LSM14A: variants seen among roughly 807,000 people sequenced by gnomAD.
LSM14A encodes the protein LSM14A mRNA processing body assembly factor, also known as protein LSM14 homolog A.
LSM14A carries 14 observed loss-of-function variants against 52.4 expected under a neutral mutation model. That is an observed-to-expected ratio of 0.27 (90% CI 0.18 to 0.42). The LOEUF (loss-of-function observed/expected upper bound fraction) is 0.42. LSM14A is among the 10% of genes least tolerant of loss of function. LSM14A has a pLI of 1.00. For synonymous variants in LSM14A, 185 were observed against 200.3 expected (o/e 0.92, Z 0.64); for missense variants, 417 against 581.8 (o/e 0.72, Z 2.91).
intron 3 of LSM14A, among the ~76,000 whole-genome samples, chr19:34,202,133 T>G (rs1242245778): frequency 2.0e-5 from 3 of 151,576 alleles, no homozygotes; most frequent in Admixed American, 2.0e-4. Flanking sequence ...TAAGTTTTTT[T>G]TTTTTTTTTT....
intron 4 of LSM14A, 60 bp downstream of exon 4, chr19:34,209,111 T>C: frequency 7.0e-7 from 1 of 1,431,654 alleles, no homozygotes; most frequent in Non-Finnish European, 9.4e-7. Context: ...TTTTTGTCTT[T>C]CTGAATGTAA....
At chr19:34,192,324 T>TTTTTGTTTTTTTTTG (rs2070469974) in intron 1 of LSM14A, among the ~76,000 whole-genome samples, 1 of 100,702 alleles carries the variant, frequency 9.9e-6, no homozygotes, top group African/African-American at 4.2e-5. Context: ...TTGTTGTTTT[T>TTTTTGTTTTTTTTTG]TTTTTTTTTT....
chr19:34,192,804 A>G (rs2070542061), intron 1 of LSM14A, among the ~76,000 whole-genome samples: 1 of 151,696 alleles, frequency 6.6e-6, no homozygotes, highest in African/African-American at 2.4e-5. Context: ...GTGAAACCCC[A>G]TCTCCGCTAA....
At chr19:34,193,726 G>A (rs1483565550) in intron 1 of LSM14A, among the ~76,000 whole-genome samples, 1 of 152,136 alleles carries the variant, frequency 6.6e-6, no homozygotes, top group Non-Finnish European at 1.5e-5. Context: ...CAAGGTAAAT[G>A]TTATTAATAC....
rs928431904 is a variant in LSM14A, at chr19:34,228,787, T to C, written c.*1399T>C. 9.2e-5 allele frequency: 14 copies of C among 152,782 alleles called. No individual in the cohort carries two copies. The highest frequency in any genetic ancestry group is 2.0e-4 in the Admixed American group (3 of 15,304). The allele number at this position is 152,782 out of a possible 1,614,324, so 9.5% of individuals were successfully genotyped here. A position where few individuals can be genotyped will look rare whatever the true frequency, so the allele number is the denominator to read the frequency against. On this transcript the variant is annotated 3_prime_UTR_variant, in exon 10 of 10. Coordinates refer to ENST00000544216, the MANE Select transcript of LSM14A (RefSeq NM_015578.4). ...AAAACATTCAGTAGTGATAAAGATA[T>C]AGAAACTGCACTGTAGGAGAATTGG...
chr19:34,212,929 A>G (rs1472563402), intron 4 of LSM14A, among the ~76,000 whole-genome samples: 1 of 152,206 alleles, frequency 6.6e-6, no homozygotes, highest in African/African-American at 2.4e-5. Flanking sequence ...AACTTATAAG[A>G]TGATTTAATG....
rs143392617 is a variant in LSM14A, at chr19:34,224,773, A to G, written c.1369-2592A>G. On this transcript the variant is annotated intron_variant, in intron 9 of 9. Transcript: ENST00000544216. ...TGTGCTTGATTCCAACTCCATCCCC[A>G]TTCATTTACCAAATATACAGAATTC... 3.3e-4 allele frequency among the ~76,000 whole-genome samples: 51 copies of G among 152,298 alleles called. No individual in the cohort carries two copies. The East Asian group carries it at 8.3e-3, about 25-fold the overall frequency.
At position 34,228,229 on chromosome 19, in the gene LSM14A, A is replaced by G. The variant is rs1178264054; in HGVS notation, c.*841A>G. ...TGGAACATAAATGAAGATTTGATAC[A>G]TTATTTCATTATCTAAAAAGGATTA... On this transcript the variant is annotated 3_prime_UTR_variant, in exon 10 of 10. Transcript: ENST00000544216. 6.6e-6 allele frequency: 1 copy of G among 152,598 alleles called. No individual in the cohort carries two copies. The highest frequency in any genetic ancestry group is 1.5e-5 in the Non-Finnish European group (1 of 68,034). 9.5% of individuals were successfully genotyped at this position (152,598 alleles called of 1,614,324 possible).
intron 4 of LSM14A, among the ~76,000 whole-genome samples, chr19:34,212,838 G>A (rs1001619506): frequency 2.6e-5 from 4 of 152,248 alleles, no homozygotes; most frequent in Non-Finnish European, 4.4e-5. Context: ...TACTTGCTCC[G>A]ATTGCCCCAT....
At chr19:34,221,189 T>C (rs1265663006) in intron 8 of LSM14A, among the ~76,000 whole-genome samples, 1 of 151,848 alleles carries the variant, frequency 6.6e-6, no homozygotes, top group African/African-American at 2.4e-5. Flanking sequence ...TTCAGGTGAT[T>C]CTCCTGCCTC....
At chr19:34,181,855 A>T (rs1440795791) in intron 1 of LSM14A, among the ~76,000 whole-genome samples, 1 of 151,962 alleles carries the variant, frequency 6.6e-6, no homozygotes, top group African/African-American at 2.4e-5. Context: ...CCTCTTTAAC[A>T]TCTCTACTTG....
chr19:34,177,993 T>C (rs1056454039), intron 1 of LSM14A, among the ~76,000 whole-genome samples: 1 of 151,984 alleles, frequency 6.6e-6, no homozygotes, highest in Non-Finnish European at 1.5e-5. Flanking sequence ...AAACCCCGTC[T>C]CTACTAAAAA....
At chr19:34,197,507 C>G (rs921470923) in intron 3 of LSM14A, among the ~76,000 whole-genome samples, 1 of 146,324 alleles carries the variant, frequency 6.8e-6, no homozygotes, top group African/African-American at 2.5e-5. Flanking sequence ...GGCATGATCT[C>G]CGCTCACTGC....
chr19:34,190,611 T>C (rs1309780800), intron 1 of LSM14A, among the ~76,000 whole-genome samples: 2 of 152,104 alleles, frequency 1.3e-5, no homozygotes, highest in Non-Finnish European at 2.9e-5. Flanking sequence ...TAGATACTAC[T>C]ACTGTCTGTT....
At chr19:34,205,088 C>A (rs150101445) in intron 3 of LSM14A, among the ~76,000 whole-genome samples, 1 of 151,942 alleles carries the variant, frequency 6.6e-6, no homozygotes, top group Non-Finnish European at 1.5e-5. Context: ...GCCAAGATGA[C>A]GTCACTACAC....
intron 6 of LSM14A, among the ~76,000 whole-genome samples, chr19:34,218,443 T>C (rs1599718995): frequency 6.6e-6 from 1 of 152,356 alleles, no homozygotes; most frequent in African/African-American, 2.4e-5. Flanking sequence ...TGGGGTTTTG[T>C]GGTTTGTTTT....
chr19:34,175,359 T>G (rs771466902), intron 1 of LSM14A, among the ~76,000 whole-genome samples: 17 of 152,026 alleles, frequency 1.1e-4, no homozygotes, highest in Non-Finnish European at 1.8e-4. Context: ...GCCTCCTGAG[T>G]AGCTGGGATT....
rs531527096 is a variant in LSM14A at position 34,228,765 on chromosome 19, A to G, written c.*1377A>G. Reference sequence around the variant, plus strand: ...TTGTTTTCTTAACTTTCTCCTTAAAACATTCAGTAGTGATAAAGATATAGA... The same window carrying G: ...TTGTTTTCTTAACTTTCTCCTTAAAGCATTCAGTAGTGATAAAGATATAGA... On this transcript the variant is annotated 3_prime_UTR_variant, in exon 10 of 10. Transcript: ENST00000544216. 2.0e-5 allele frequency: 3 copies of G among 152,666 alleles called. No individual in the cohort carries two copies. The South Asian group carries it at 6.2e-4, about 32-fold the overall frequency. 9.5% of individuals were successfully genotyped at this position (152,666 alleles called of 1,614,324 possible). A position where few individuals can be genotyped will look rare whatever the true frequency, so the allele number is the denominator to read the frequency against.
chr19:34,220,775 G>T (rs506298), intron 8 of LSM14A, among the ~76,000 whole-genome samples: 4 of 151,958 alleles, frequency 2.6e-5, no homozygotes, highest in African/African-American at 9.7e-5. Flanking sequence ...CTTGGTATCG[G>T]GTCCATAGAT....
Sources: allele counts gnomAD v4.1 joint callset (sites outside exome capture counted in the v4.1 genomes callset), GRCh38; gene constraint gnomAD v4.1.1; transcripts MANE v1.5; gene names NCBI Gene and HGNC (gene_info 2026-07-23, HGNC 2026-07-21).